Variants in CENPW observed in about 807,000 individuals in gnomAD.
CENPW encodes the protein centromere protein W.
A neutral mutation model predicts 11.1 loss-of-function variants in CENPW; 3 were observed. The observed-to-expected ratio is 0.27, with a 90% CI of 0.12 to 0.70. The LOEUF is 0.70. CENPW is among the 30% of genes least tolerant of loss of function. The pLI is 0.77. For missense variants in CENPW, 100 were observed against 105.6 expected, an observed-to-expected ratio of 0.95 and a Z score of 0.23; for synonymous variants, 38 against 42.0, an observed-to-expected ratio of 0.91 and a Z score of 0.37.
the CENPW span, among the ~76,000 whole-genome samples, chr6:126,430,378 T>G: frequency 1.3e-5 from 2 of 152,198 alleles, no homozygotes; most frequent in Non-Finnish European, 2.9e-5. Context: ...AAACTTTAAT[T>G]TAGTATATAA....
chr6:126,409,620 G>A, the CENPW span, among the ~76,000 whole-genome samples: 6 of 151,776 alleles, frequency 4.0e-5, no homozygotes, highest in African/African-American at 1.4e-4. Flanking sequence ...ATTCACAATT[G>A]ATATATTGTA....
At chr6:126,426,118 A>C in the CENPW span, among the ~76,000 whole-genome samples, 9 of 152,120 alleles carry the variant, frequency 5.9e-5, no homozygotes, top group African/African-American at 2.2e-4. Flanking sequence ...ACACAACATG[A>C]AGTGGCTGAG....
chr6:126,423,798 C>G, the CENPW span, among the ~76,000 whole-genome samples: 1 of 148,444 alleles, frequency 6.7e-6, no homozygotes, highest in Non-Finnish European at 1.5e-5. Flanking sequence ...TTTTTTTTTT[C>G]AATCTTTACA....
At chr6:126,467,196 G>A in the CENPW span, among the ~76,000 whole-genome samples, 4 of 152,152 alleles carry the variant, frequency 2.6e-5, 1 homozygote, top group South Asian at 8.3e-4. Context: ...GCAATCCTAA[G>A]CAAAAAGAAC....
the CENPW span, among the ~76,000 whole-genome samples, chr6:126,481,046 A>G: frequency 1.3e-5 from 2 of 152,148 alleles, no homozygotes; most frequent in South Asian, 2.1e-4. Flanking sequence ...AATCCTACAT[A>G]TATGTATTAA....
the CENPW span, among the ~76,000 whole-genome samples, chr6:126,483,258 C>T: frequency 6.6e-6 from 1 of 151,454 alleles, no homozygotes; most frequent in Non-Finnish European, 1.5e-5. Context: ...TTTTTTCTGG[C>T]TTTATTGAAC....
the CENPW span, among the ~76,000 whole-genome samples, chr6:126,408,512 A>G: frequency 6.6e-6 from 1 of 152,120 alleles, no homozygotes; most frequent in Non-Finnish European, 1.5e-5. Context: ...ACACTTGGGA[A>G]TTATGGGAGC....
chr6:126,436,728 T>A, the CENPW span, among the ~76,000 whole-genome samples: 2 of 151,870 alleles, frequency 1.3e-5, no homozygotes, highest in Non-Finnish European at 2.9e-5. Context: ...AACCCCCCTT[T>A]TCACCATGTG....
the CENPW span, among the ~76,000 whole-genome samples, chr6:126,396,553 C>G: frequency 1.3e-5 from 2 of 152,132 alleles, no homozygotes; most frequent in African/African-American, 4.8e-5. Context: ...ACACTGTGAT[C>G]AAGGTGGTAC....
chr6:126,350,232 TG>T (rs1472154200), downstream of CENPW, among the ~76,000 whole-genome samples: 2 of 152,162 alleles, frequency 1.3e-5, no homozygotes, highest in South Asian at 2.1e-4. Flanking sequence ...TGATGGCTAA[TG>T]TCTTAGTTTA....
At chr6:126,366,437 T>C in the CENPW span, among the ~76,000 whole-genome samples, 1 of 152,218 alleles carries the variant, frequency 6.6e-6, no homozygotes, top group African/African-American at 2.4e-5. Context: ...CAATGTATGA[T>C]TGCAACAAAT....
chr6:126,449,479 CT>C, the CENPW span, among the ~76,000 whole-genome samples: 1 of 150,992 alleles, frequency 6.6e-6, no homozygotes, highest in Non-Finnish European at 1.5e-5. Flanking sequence ...CATTCTGTGT[CT>C]CTTTAGTGTA....
At chr6:126,352,320 C>T (rs1780501318), downstream of CENPW, among the ~76,000 whole-genome samples, 3 of 151,996 alleles carry the variant, frequency 2.0e-5, no homozygotes. Flanking sequence ...ATAATTCTTG[C>T]CCTAACCTCT....
chr6:126,474,023 T>C, the CENPW span, among the ~76,000 whole-genome samples: 2 of 148,676 alleles, frequency 1.3e-5, no homozygotes, highest in Non-Finnish European at 3.0e-5. Flanking sequence ...TATGTATATA[T>C]GGTCTTTTAT....
chr6:126,359,149 A>G, the CENPW span, among the ~76,000 whole-genome samples: 1 of 151,970 alleles, frequency 6.6e-6, no homozygotes, highest in East Asian at 1.9e-4. Flanking sequence ...TTAATTTCAA[A>G]AAATATTTTG....
chr6:126,462,609 T>C, the CENPW span, among the ~76,000 whole-genome samples: 2 of 151,098 alleles, frequency 1.3e-5, no homozygotes, highest in South Asian at 4.2e-4. Context: ...TTAACTTACA[T>C]AGATAGTAAA....
chr6:126,368,300 A>T, the CENPW span, among the ~76,000 whole-genome samples: 1 of 152,164 alleles, frequency 6.6e-6, no homozygotes, highest in Non-Finnish European at 1.5e-5. Context: ...CATTAGCTGC[A>T]TTGGAGTCTG....
chr6:126,464,780 A>G, the CENPW span, among the ~76,000 whole-genome samples: 1 of 152,068 alleles, frequency 6.6e-6, no homozygotes, highest in Non-Finnish European at 1.5e-5. Flanking sequence ...GTGGAACTTT[A>G]TCTTGTGACC....
chr6:126,391,920 G>A, the CENPW span, among the ~76,000 whole-genome samples: 1 of 151,862 alleles, frequency 6.6e-6, no homozygotes, highest in Non-Finnish European at 1.5e-5. Flanking sequence ...CTCCAGTTTT[G>A]TTCTTTTTGC....
Sources: allele counts gnomAD v4.1 joint callset (sites outside exome capture counted in the v4.1 genomes callset), GRCh38; gene constraint gnomAD v4.1.1; transcripts MANE v1.5; gene names NCBI Gene and HGNC (gene_info 2026-07-23, HGNC 2026-07-21).